Variants in KRT32 observed in about 807,000 individuals in gnomAD.
KRT32 encodes the protein keratin, type I cuticular Ha2.
KRT32 carries 44 observed loss-of-function variants against 41.8 expected under a neutral mutation model. The observed-to-expected ratio is 1.05, with a 90% CI of 0.83 to 1.35. KRT32 has a LOEUF of 1.35. Ranked by LOEUF, KRT32 falls within the 40% of genes most tolerant of loss-of-function variation. The pLI is 0.00. For missense variants in KRT32, 576 were observed against 584.6 expected (o/e 0.99, Z 0.15); for synonymous variants, 238 against 242.5 (o/e 0.98, Z 0.17).
intron 1 of KRT32, 61 bp from the exon 2 acceptor site, chr17:41,466,237 A>C (rs2019067127): frequency 2.2e-6 from 3 of 1,394,480 alleles, no homozygotes; most frequent in Non-Finnish European, 3.0e-6. Context: ...GAAGAACCCA[A>C]ATGAAGAGAA....
In KRT32 at chr17:41,465,783, T is replaced by A. The variant is rs1308837078; in HGVS notation, c.698A>T (p.Asn233Ile). ...GACTTCCAGCCTCACCTCCTCATGGTTCTTTTTGAGGCACATCAGCTCCTC... is the reference window on the plus strand; with the variant it reads ...GACTTCCAGCCTCACCTCCTCATGGATCTTTTTGAGGCACATCAGCTCCTC... ...LKEELMCLKK[N>I]HEEEVGSLRC... is the part of the protein sequence containing the mutation. The change falls in exon 3 of 7, where the codon AAC becomes ATC. Residue 233 changes from asparagine to isoleucine, a missense_variant. By Grantham distance (149) the Asn-to-Ile change is moderately radical. Transcript: ENST00000225899. 2 of 1,610,770 alleles carry A rather than the reference T, an allele frequency of 1.2e-6. No homozygotes were observed. The highest frequency in any genetic ancestry group is 1.7e-6 in the Non-Finnish European group (2 of 1,178,420).
chr17:41,464,365 T>C lies in KRT32; in HGVS notation c.787A>G (p.Arg263Gly). 6.2e-7 allele frequency: 1 copy of C among 1,612,546 alleles called. No homozygotes were observed. Among genetic ancestry groups the C allele is most frequent in the South Asian group, 1.1e-5 (1 of 90,922 alleles). Residue 263 changes from arginine (R) to glycine (G), a missense_variant, in exon 4 of 7, where the codon AGG (arginine) becomes GGG (glycine). Physicochemically the swap from Arg to Gly is moderately radical, Grantham distance 125. Coordinates refer to ENST00000225899, the MANE Select transcript of KRT32 (RefSeq NM_002278.3). ...TGACACCGCATCTCCTCCAGCACCC[T>C]GGTCAGGTCCACCGGGGGTGCAGCG... ...VDAAPPVDLT[R>G]VLEEMRCQYE...
rs139568440 is a variant in KRT32 at position 41,466,783 on chromosome 17, C to T, written c.468+75G>A. The T allele has an allele frequency of 4.7e-5, 51 of 1,096,564 alleles. 1 individual carries two copies. The Middle Eastern group carries it at 1.1e-3, about 24-fold the overall frequency. 67.9% of individuals were successfully genotyped at this position (1,096,564 alleles called of 1,614,324 possible). A position where few individuals can be genotyped will look rare whatever the true frequency, so the allele number is the denominator to read the frequency against. ...TCCTGAACATAGCTTAATAAGCTAA[C>T]GAGATTCCAATCTGGAATGCCAGCT... On this transcript the variant is annotated intron_variant, in intron 1 of 6. Coordinates refer to ENST00000225899, the MANE Select transcript of KRT32 (RefSeq NM_002278.3).
chr17:41,464,345 C>T lies in KRT32; in HGVS notation c.807G>A (p.Arg269=). ...CCTCCACCATGGCCTCGTACTGACA[C>T]CGCATCTCCTCCAGCACCCTGGTCA... ...VDLTRVLEEM[R]CQYEAMVEAN... is the part of the protein sequence containing the mutation. The change falls in exon 4 of 7, where the codon CGG becomes CGA. Residue 269 remains arginine (R), a synonymous_variant. Coordinates refer to ENST00000225899, the MANE Select transcript of KRT32 (RefSeq NM_002278.3). 6.2e-7 allele frequency: 1 copy of T among 1,612,600 alleles called. No homozygotes were observed. The highest frequency in any genetic ancestry group is 8.5e-7 in the Non-Finnish European group (1 of 1,179,106).
chr17:41,462,379 G>A (rs973156876), intron 6 of KRT32, among the ~76,000 whole-genome samples: 1 of 152,324 alleles, frequency 6.6e-6, no homozygotes. Flanking sequence ...CGTTCTGAGA[G>A]GAATGGAGCT....
In KRT32 at chr17:41,467,070, A is replaced by G; in HGVS notation, c.256T>C (p.Trp86Arg). 2 of 1,614,242 alleles carry G rather than the reference A, an allele frequency of 1.2e-6. No homozygotes were observed. The highest frequency in any genetic ancestry group is 1.7e-6 in the Non-Finnish European group (2 of 1,180,040). Residue 86 changes from tryptophan to arginine, a missense_variant, in exon 1 of 7, where the codon TGG becomes CGG. Physicochemically the swap from Trp to Arg is moderately radical, Grantham distance 101. Coordinates refer to ENST00000225899, the MANE Select transcript of KRT32 (RefSeq NM_002278.3). ...GISGSMGPGS[W>R]YSEGAFNGNE... ...CCATTGAAGGCCCCTTCGCTGTACC[A>G]GCTGCCGGGGCCCATGGAGCCGGAG... is the stretch of plus-strand genomic sequence containing the variant.
intron 6 of KRT32, among the ~76,000 whole-genome samples, 163 bp downstream of exon 6, chr17:41,462,667 A>C (rs997174601): frequency 1.3e-5 from 2 of 152,190 alleles, no homozygotes; most frequent in Non-Finnish European, 2.9e-5. Context: ...GGCAGCATGA[A>C]CACCACTGCC....
intron 5 of KRT32, 54 bp from the exon 6 acceptor site, chr17:41,463,104 C>T: frequency 6.6e-7 from 1 of 1,523,478 alleles, no homozygotes; most frequent in Non-Finnish European, 8.9e-7. Context: ...CCATGGCCTG[C>T]TTCAGAAAGA....
intron 6 of KRT32, among the ~76,000 whole-genome samples, chr17:41,461,134 TC>T (rs557636736): frequency 1.3e-5 from 2 of 152,186 alleles, no homozygotes; most frequent in East Asian, 3.9e-4. Flanking sequence ...CCTTGAAGCC[TC>T]CCCCACCTCT....
At position 41,464,316 on chromosome 17, in the gene KRT32, TTGGCCTCCACCA is replaced by T. The variant is rs2019042649; in HGVS notation, c.824_835del (p.Met275_Ala278del). On this transcript the variant is annotated inframe_deletion, in exon 4 of 7. Transcript: ENST00000225899. Reference sequence around the variant, plus strand: ...GAACCATTCCTCCACGTCCCTGCGGTTGGCCTCCACCATGGCCTCGTACTGACACCGCATCTC... The same window carrying T: ...GAACCATTCCTCCACGTCCCTGCGGTTGGCCTCGTACTGACACCGCATCTC... The T allele has an allele frequency of 1.9e-6, 3 of 1,609,762 alleles. No individual in the cohort carries two copies. The East Asian group carries it at 6.7e-5, about 36-fold the overall frequency.
At chr17:41,463,143 G>T in intron 5 of KRT32, 93 bp from the exon 6 acceptor site, 1 of 1,204,050 alleles carries the variant, frequency 8.3e-7, no homozygotes, top group Non-Finnish European at 1.2e-6. Context: ...TCCCTTTGAT[G>T]CTGGAAATGA....
chr17:41,464,056 G>T, intron 5 of KRT32, 22 bp downstream of exon 5: 3 of 1,555,064 alleles, frequency 1.9e-6, no homozygotes, highest in Non-Finnish European at 1.7e-6. Context: ...GGAGGGATGG[G>T]TGCCCACCCA....
chr17:41,460,330 C>A, intron 6 of KRT32, 91 bp from the exon 7 acceptor site: 2 of 1,452,466 alleles, frequency 1.4e-6, no homozygotes, highest in Middle Eastern at 1.7e-4. Flanking sequence ...TGCCTCTCAA[C>A]CCCATCTTCC....
chr17:41,463,055 G>A lies in KRT32; in HGVS notation c.997-5C>T, dbSNP rs768481952. 6.2e-7 allele frequency: 1 copy of A among 1,607,526 alleles called. No individual in the cohort carries two copies. Among genetic ancestry groups the A allele is most frequent in the Non-Finnish European group, 8.5e-7 (1 of 1,175,176 alleles). ...CGTGTTTTCCAGGGAGTCCCTCTAA[G>A]GCAAAGGAAGACATAACCATGAGGA... is the stretch of plus-strand genomic sequence containing the variant. On this transcript the variant is annotated splice_region_variant and splice_polypyrimidine_tract_variant and intron_variant, in intron 5 of 6. Transcript: ENST00000225899.
rs745783879 is a variant in KRT32 at position 41,465,861 on chromosome 17, T to G, written c.620A>C (p.Asp207Ala). The G allele has an allele frequency of 3.7e-6, 6 of 1,613,938 alleles. No homozygotes were observed. The African/African-American group carries it at 6.7e-5, about 18-fold the overall frequency. ...GTCAGCCTTGCACAGAGTGAGATCA[T>G]CCAGGATCCTGCGCAGGCCATTGAT... ...ADINGLRRIL[D>A]DLTLCKADLE... The change falls in exon 3 of 7, where the codon GAT becomes GCT. Residue 207 changes from aspartate (D) to alanine (A), a missense_variant. Coordinates refer to ENST00000225899, the MANE Select transcript of KRT32 (RefSeq NM_002278.3).
chr17:41,463,136 C>A (rs4796636), intron 5 of KRT32, 86 bp from the exon 6 acceptor site: 807,801 of 1,283,266 alleles, frequency 0.63, 255,627 homozygotes, highest in East Asian at 0.68. Context: ...CCAAATCTCC[C>A]TTTGATGCTG....
chr17:41,465,840 G>A lies in KRT32; in HGVS notation c.641C>T (p.Ala214Val), dbSNP rs746820307. ...GGACTCAACCTGGGCCTCCAGGTCAGCCTTGCACAGAGTGAGATCATCCAG... is the reference window on the plus strand; with the variant it reads ...GGACTCAACCTGGGCCTCCAGGTCAACCTTGCACAGAGTGAGATCATCCAG... ...RILDDLTLCK[A>V]DLEAQVESLK... Residue 214 changes from alanine (A) to valine (V), a missense_variant, in exon 3 of 7, where the codon GCT (alanine) becomes GTT (valine). Transcript: ENST00000225899. 2.5e-6 allele frequency: 4 copies of A among 1,614,016 alleles called. No individual in the cohort carries two copies. Among genetic ancestry groups the A allele is most frequent in the South Asian group, 1.1e-5 (1 of 91,074 alleles).
chr17:41,460,134 T>A lies in KRT32; in HGVS notation c.1323A>T (p.Ser441=). 5 of 1,611,862 alleles carry A rather than the reference T, an allele frequency of 3.1e-6. No homozygotes were observed. The highest frequency in any genetic ancestry group is 3.4e-6 in the Non-Finnish European group (4 of 1,179,000). The change falls in exon 7 of 7, where the codon TCA becomes TCT. Residue 441 remains serine, a synonymous_variant. Transcript: ENST00000225899. The stretch of plus-strand genomic sequence containing the variant: ...TTCAGTAGCGGCCCTGGGGGCAGGG[T>A]GAGCAAGGCATGCCAACAGTGCGTG... The part of the protein sequence containing the change: ...CVPRTVGMPC[S]PCPQGRY
At chr17:41,461,766 C>A (rs1877847913) in intron 6 of KRT32, among the ~76,000 whole-genome samples, 1 of 152,190 alleles carries the variant, frequency 6.6e-6, no homozygotes, top group Middle Eastern at 3.2e-3. Context: ...ACAACACTTG[C>A]CCTGAAGTTA....
Sources: gnomAD v4.1 joint callset for allele counts (sites outside exome capture counted in the v4.1 genomes callset) on GRCh38, gnomAD v4.1.1 for gene constraint, MANE v1.5 for transcripts, NCBI Gene and HGNC (gene_info 2026-07-23, HGNC 2026-07-21) for gene names.